Variants in KCNT2 observed in about 807,000 individuals in gnomAD.
KCNT2 encodes potassium channel subfamily T member 2.
A neutral mutation model predicts 153.8 loss-of-function variants in KCNT2; 67 were observed. The observed-to-expected ratio is 0.44, with a 90% CI of 0.36 to 0.53. The LOEUF is 0.53. Among genes scored for constraint, KCNT2 ranks in the 20% least tolerant of loss-of-function variants. The pLI is 0.00. For synonymous variants in KCNT2, 500 were observed against 458.8 expected (o/e 1.09, Z -1.15); for missense variants, 975 against 1,354.8 (o/e 0.72, Z 4.40).
At chr1:196,595,421 C>T (rs1167832344) in intron 1 of KCNT2, among the ~76,000 whole-genome samples, 3 of 151,964 alleles carry the variant, frequency 2.0e-5, no homozygotes, top group Non-Finnish European at 2.9e-5. Context: ...TAGTCATGTG[C>T]TTTATATATA....
At chr1:196,285,246 T>C (rs1659547367) in intron 23 of KCNT2, among the ~76,000 whole-genome samples, 1 of 152,210 alleles carries the variant, frequency 6.6e-6, no homozygotes, top group South Asian at 2.1e-4. Flanking sequence ...TATCAGTTTA[T>C]TGACATCAAT....
intron 25 of KCNT2, among the ~76,000 whole-genome samples, chr1:196,258,915 T>C (rs1383538383): frequency 6.6e-6 from 1 of 152,128 alleles, no homozygotes; most frequent in Non-Finnish European, 1.5e-5. Context: ...ATTTAAATAA[T>C]TAAGATAACT....
chr1:196,307,475 C>T (rs1253619299), intron 21 of KCNT2, among the ~76,000 whole-genome samples: 1 of 152,102 alleles, frequency 6.6e-6, no homozygotes, highest in Non-Finnish European at 1.5e-5. Flanking sequence ...GTTGGCTTCT[C>T]TAGCTACCTG....
intron 21 of KCNT2, among the ~76,000 whole-genome samples, chr1:196,311,089 C>T (rs1418640384): frequency 2.0e-5 from 3 of 151,870 alleles, no homozygotes; most frequent in African/African-American, 7.2e-5. Context: ...CTCAGGAAGA[C>T]ATTCCCTGAC....
At chr1:196,569,615 T>C (rs534678568) in intron 1 of KCNT2, among the ~76,000 whole-genome samples, 130 of 152,300 alleles carry the variant, frequency 8.5e-4, no homozygotes, top group African/African-American at 3.0e-3. Flanking sequence ...CTTACTGCTA[T>C]AGCTATTTAT....
intron 1 of KCNT2, among the ~76,000 whole-genome samples, chr1:196,495,718 T>C (rs976894357): frequency 2.0e-5 from 3 of 152,204 alleles, no homozygotes; most frequent in South Asian, 4.1e-4. Context: ...CTTTTTAAGA[T>C]GTCATTTTTG....
At chr1:196,298,856 A>T (rs74136503) in intron 22 of KCNT2, among the ~76,000 whole-genome samples, 1 of 149,770 alleles carries the variant, frequency 6.7e-6, no homozygotes, top group Non-Finnish European at 1.5e-5. Context: ...ACAGAAAATT[A>T]CAAGGAGTAT....
rs543395991 is a variant in KCNT2 at position 196,286,106 on chromosome 1, A to T, written c.2596-348T>A. Among the ~76,000 whole-genome samples the T allele has an allele frequency of 2.4e-4, 37 of 152,254 alleles. No individual in the cohort carries two copies. The South Asian group carries it at 7.3e-3, about 30-fold the overall frequency. ...CACACGATGTACCATAACACTGAAC[A>T]CTGTAAAGAAGACCTGCTTTTAAAT... is the stretch of plus-strand genomic sequence containing the variant. On this transcript the variant is annotated intron_variant, in intron 22 of 27. Coordinates refer to ENST00000294725, the MANE Select transcript of KCNT2 (RefSeq NM_198503.5).
At chr1:196,551,669 A>G (rs1657922958) in intron 1 of KCNT2, among the ~76,000 whole-genome samples, 1 of 151,676 alleles carries the variant, frequency 6.6e-6, no homozygotes, top group South Asian at 2.1e-4. Context: ...TCATTAGGAT[A>G]AAGTCCACTC....
At position 196,313,267 on chromosome 1, in the gene KCNT2, T is replaced by C. The variant is rs150308940; in HGVS notation, c.2483+2625A>G. On this transcript the variant is annotated intron_variant, in intron 21 of 27. Transcript: ENST00000294725. ...TAGAAGAAATTAGATAGAAAATGAG[T>C]AGCACTACTCAGAGTGTTGAATGCT... Among the ~76,000 whole-genome samples the C allele has an allele frequency of 1.8e-3, 278 of 151,602 alleles. 1 individual carries two copies. Among genetic ancestry groups the C allele is most frequent in the Non-Finnish European group, 2.4e-3 (161 of 67,734 alleles).
intron 21 of KCNT2, among the ~76,000 whole-genome samples, chr1:196,307,440 A>G (rs980569363): frequency 4.6e-4 from 70 of 152,188 alleles, no homozygotes; most frequent in African/African-American, 1.6e-3. Flanking sequence ...GCTGCCCAGT[A>G]TCTGATTTAT....
At chr1:196,295,679 G>A (rs913844127) in intron 22 of KCNT2, among the ~76,000 whole-genome samples, 10 of 151,606 alleles carry the variant, frequency 6.6e-5, no homozygotes, top group African/African-American at 2.4e-4. Flanking sequence ...TTTGAGTAAG[G>A]CAAAAAAATT....
intron 26 of KCNT2, chr1:196,257,950 T>A: frequency 8.8e-7 from 1 of 1,136,170 alleles, no homozygotes; most frequent in South Asian, 3.8e-5. Flanking sequence ...AAATTAAAAT[T>A]AAGATAATTC....
chr1:196,226,932 C>A lies in KCNT2; in HGVS notation c.*1292G>T, dbSNP rs544272050. 5 of 151,946 alleles carry A rather than the reference C, an allele frequency of 3.3e-5. No homozygotes were observed. The highest frequency in any genetic ancestry group is 2.9e-5 in the Non-Finnish European group (2 of 67,868). The allele number at this position is 151,946 out of a possible 1,614,324, so 9.4% of individuals were successfully genotyped here. ...GAACATTTTAACACACTTCTACTAC[C>A]TGGTAAACTATGTACGCATACTCTT... On this transcript the variant is annotated 3_prime_UTR_variant, in exon 28 of 28. Transcript: ENST00000294725.
At chr1:196,472,156 A>G (rs920176339) in intron 5 of KCNT2, among the ~76,000 whole-genome samples, 1 of 152,150 alleles carries the variant, frequency 6.6e-6, no homozygotes, top group Non-Finnish European at 1.5e-5. Flanking sequence ...ATTTTTTAAA[A>G]TGCTTGTTGG....
chr1:196,478,592 G>T (rs777293400), intron 5 of KCNT2, among the ~76,000 whole-genome samples: 124 of 151,920 alleles, frequency 8.2e-4, no homozygotes, highest in Non-Finnish European at 1.5e-3. Context: ...CATGATATGA[G>T]CTCTCTCTAT....
intron 1 of KCNT2, among the ~76,000 whole-genome samples, chr1:196,513,930 A>G (rs1318656939): frequency 2.6e-5 from 4 of 152,328 alleles, no homozygotes; most frequent in African/African-American, 7.2e-5. Context: ...ACTCTCTTAG[A>G]GCAAAGTAGA....
At chr1:196,485,510 G>A (rs143195375) in intron 3 of KCNT2, among the ~76,000 whole-genome samples, 83 of 151,774 alleles carry the variant, frequency 5.5e-4, no homozygotes, top group Admixed American at 2.2e-3. Flanking sequence ...CAAACTAATG[G>A]CATTTTCTTT....
intron 26 of KCNT2, among the ~76,000 whole-genome samples, chr1:196,236,289 A>G (rs1213690606): frequency 6.6e-6 from 1 of 151,538 alleles, no homozygotes; most frequent in Non-Finnish European, 1.5e-5. Context: ...TGATAACAAT[A>G]AAGTATCTAA....
Sources: gnomAD v4.1 joint callset for allele counts (sites outside exome capture counted in the v4.1 genomes callset) on GRCh38, gnomAD v4.1.1 for gene constraint, MANE v1.5 for transcripts, NCBI Gene and HGNC (gene_info 2026-07-23, HGNC 2026-07-21) for gene names.